MMP20: variants seen among roughly 807,000 people sequenced by gnomAD.
MMP20 encodes matrix metalloproteinase-20.
A neutral mutation model predicts 51.8 loss-of-function variants in MMP20; 50 were observed. The observed-to-expected ratio is 0.97, with a 90% confidence interval of 0.77 to 1.22. The LOEUF (loss-of-function observed/expected upper bound fraction) is 1.22. Among genes scored for constraint, MMP20 ranks in the 50% most tolerant of loss-of-function variants. MMP20 has a pLI of 0.00. For synonymous variants in MMP20, 244 were observed against 216.2 expected (o/e 1.13, Z -1.13); for missense variants, 663 against 601.4 (o/e 1.10, Z -1.07).
Position 102,578,800 on chromosome 11 carries a change from A to AAAAC in MMP20, c.1351+235_1351+238dup, listed in dbSNP as rs35673489. Among the ~76,000 whole-genome samples the AAAAC allele has an allele frequency of 0.33, 50,244 of 151,296 alleles. 8,669 individuals carry two copies. The highest frequency in any genetic ancestry group is 0.54 in the East Asian group (2,769 of 5,142). ...AACAAAACACACACACACAAAAACA[A>AAAAC]AAACAAACAAACAAACAAACAAAAA... On this transcript the variant is annotated intron_variant, in intron 9 of 9. Coordinates refer to ENST00000260228, the MANE Select transcript of MMP20 (RefSeq NM_004771.4).
intron 2 of MMP20, among the ~76,000 whole-genome samples, chr11:102,613,787 C>A (rs1423273014): frequency 6.6e-6 from 1 of 152,216 alleles, no homozygotes; most frequent in African/African-American, 2.4e-5. Flanking sequence ...ACCAGACAGA[C>A]CCTTAAAGGG....
At chr11:102,613,311 T>C (rs1296174990) in intron 2 of MMP20, among the ~76,000 whole-genome samples, 1 of 152,120 alleles carries the variant, frequency 6.6e-6, no homozygotes, top group Non-Finnish European at 1.5e-5. Context: ...TGGAATATGA[T>C]GCAAAGTGAG....
intron 7 of MMP20, 57 bp downstream of exon 7, chr11:102,594,563 CA>C (rs1859356965): frequency 6.2e-7 from 1 of 1,605,618 alleles, no homozygotes; most frequent in African/African-American, 1.3e-5. Context: ...CTAGATATGC[CA>C]AATGAATGGG....
chr11:102,616,765 G>C (rs17099082), intron 2 of MMP20, 47 bp downstream of exon 2: 1 of 1,608,330 alleles, frequency 6.2e-7, no homozygotes, highest in African/African-American at 1.3e-5. Flanking sequence ...GGGAAAAAGA[G>C]AGAGGTGGTG....
At chr11:102,610,658 C>G (rs949672092) in intron 3 of MMP20, among the ~76,000 whole-genome samples, 1 of 151,464 alleles carries the variant, frequency 6.6e-6, no homozygotes, top group Non-Finnish European at 1.5e-5. Context: ...TTTTAACTAA[C>G]AATTCATTAC....
intron 1 of MMP20, among the ~76,000 whole-genome samples, 159 bp downstream of exon 1, chr11:102,625,035 C>T (rs1859802605): frequency 6.6e-6 from 1 of 152,106 alleles, no homozygotes; most frequent in African/African-American, 2.4e-5. Flanking sequence ...CACCAGACAC[C>T]AATCTAGGTG....
intron 4 of MMP20, among the ~76,000 whole-genome samples, chr11:102,609,351 A>G (rs542554720): frequency 1.2e-4 from 19 of 152,274 alleles, no homozygotes; most frequent in Non-Finnish European, 1.3e-4. Context: ...ATCATCAGTG[A>G]TGTTTGGTAG....
Position 102,617,030 on chromosome 11 carries a change from T to A in MMP20, c.156A>T (p.Lys52Asn). ...QAYLDKYYTN[K>N]EGHQIGEMVA... ...CCATCTCACCAATCTGGTGTCCTTC[T>A]TTATTTGTGTAATATTTGTCAAGAT... is the stretch of plus-strand genomic sequence containing the variant. The change falls in exon 2 of 10, where the codon AAA (lysine) becomes AAT (asparagine). Residue 52 changes from lysine to asparagine, a missense_variant. Coordinates refer to ENST00000260228, the MANE Select transcript of MMP20 (RefSeq NM_004771.4). The A allele has an allele frequency of 3.1e-6, 5 of 1,614,224 alleles. No homozygotes were observed. The highest frequency in any genetic ancestry group is 4.2e-6 in the Non-Finnish European group (5 of 1,180,026).
chr11:102,601,732 C>T (rs968031236), intron 6 of MMP20, among the ~76,000 whole-genome samples: 1 of 152,186 alleles, frequency 6.6e-6, no homozygotes. Context: ...GTGTTCCCAA[C>T]AAATCCTCTG....
At chr11:102,587,601 T>G (rs775760042) in intron 8 of MMP20, among the ~76,000 whole-genome samples, 2 of 152,216 alleles carry the variant, frequency 1.3e-5, no homozygotes, top group Non-Finnish European at 2.9e-5. Context: ...TTTCTGTCAA[T>G]TACTGCTTCA....
intron 6 of MMP20, among the ~76,000 whole-genome samples, chr11:102,604,769 A>T (rs1859492705): frequency 6.6e-6 from 1 of 152,248 alleles, no homozygotes; most frequent in Admixed American, 6.5e-5. Flanking sequence ...AACATATAAT[A>T]TATAAAGGAT....
At chr11:102,593,715 T>C in intron 7 of MMP20, 120 bp from the exon 8 acceptor site, 2 of 1,137,504 alleles carry the variant, frequency 1.8e-6, no homozygotes, top group Non-Finnish European at 2.6e-6. Flanking sequence ...GCCATGGCTA[T>C]AACCCAACAA....
chr11:102,613,012 C>CA (rs1398842414), intron 2 of MMP20, among the ~76,000 whole-genome samples: 3 of 152,168 alleles, frequency 2.0e-5, no homozygotes, highest in Admixed American at 6.5e-5. Context: ...GCTCGGATTA[C>CA]AGGCGTGAGC....
chr11:102,590,470 C>T (rs986134613), intron 8 of MMP20, among the ~76,000 whole-genome samples: 1 of 152,200 alleles, frequency 6.6e-6, no homozygotes, highest in East Asian at 1.9e-4. Flanking sequence ...CTAATCCAAC[C>T]TGGCCCCAAG....
At chr11:102,623,329 A>C (rs1859774043) in intron 1 of MMP20, among the ~76,000 whole-genome samples, 1 of 152,160 alleles carries the variant, frequency 6.6e-6, no homozygotes, top group Non-Finnish European at 1.5e-5. Flanking sequence ...CCACAGCAGG[A>C]GGTGAGTGGC....
rs1200301073 is a variant in MMP20, at chr11:102,609,599, A to C, written c.649+306T>G. 1.3e-5 allele frequency among the ~76,000 whole-genome samples: 2 copies of C among 152,198 alleles called. 1 individual carries two copies. Among genetic ancestry groups the C allele is most frequent in the Admixed American group, 1.3e-4 (2 of 15,278 alleles). ...CTTGGGTCATTTCTGAATGTAGCCC[A>C]TTTCCAAGAATAAGTAAGAAATCAT... On this transcript the variant is annotated intron_variant, in intron 4 of 9. Transcript: ENST00000260228.
In MMP20 at chr11:102,577,057, G is replaced by GAA. The variant is rs1004064010; in HGVS notation, c.*267_*268dup. ...CAATCTGCTTCAGTATATTAGGTAA[G>GAA]AAAAAATAATGGTGTCTAACTGCAG... On this transcript the variant is annotated 3_prime_UTR_variant, in exon 10 of 10. Transcript: ENST00000260228. 2.4e-6 allele frequency: 1 copy of GAA among 418,376 alleles called. No homozygotes were observed. The highest frequency in any genetic ancestry group is 2.0e-5 in the African/African-American group (1 of 49,390). 25.9% of individuals were successfully genotyped at this position (418,376 alleles called of 1,614,324 possible).
chr11:102,624,335 C>T (rs1962082), intron 1 of MMP20, among the ~76,000 whole-genome samples: 41,043 of 143,948 alleles, frequency 0.29, 5,800 homozygotes, highest in Middle Eastern at 0.37. Flanking sequence ...AAATTCCATC[C>T]GTAGACATCC....
chr11:102,609,294 G>T (rs17098958), intron 4 of MMP20, among the ~76,000 whole-genome samples, 196 bp from the exon 5 acceptor site: 2 of 152,240 alleles, frequency 1.3e-5, no homozygotes, highest in South Asian at 2.1e-4. Context: ...GCTAGAAGGG[G>T]GTTGGGGGTG....
Sources: gnomAD v4.1 joint callset for allele counts (sites outside exome capture counted in the v4.1 genomes callset) on GRCh38, gnomAD v4.1.1 for gene constraint, MANE v1.5 for transcripts, NCBI Gene and HGNC (gene_info 2026-07-23, HGNC 2026-07-21) for gene names.